NXPE4: variants seen among roughly 807,000 people sequenced by gnomAD.
The protein encoded by NXPE4 is NXPE family member 4.
A neutral mutation model predicts 33.3 loss-of-function variants in NXPE4; 42 were observed. That is an observed-to-expected ratio of 1.26 (90% confidence interval 0.98 to 1.63). NXPE4 has a LOEUF of 1.63. NXPE4 is among the 40% of genes most tolerant of loss of function. The pLI is 0.00. For synonymous variants in NXPE4, 253 were observed against 234.9 expected (o/e 1.08, Z -0.71); for missense variants, 709 against 647.6 (o/e 1.09, Z -1.03).
the NXPE4 span, among the ~76,000 whole-genome samples, chr11:114,633,668 T>C: frequency 2.8e-5 from 4 of 143,700 alleles, no homozygotes; most frequent in Non-Finnish European, 6.1e-5. Context: ...CCTGTGTCCA[T>C]GTGTTCTCAT....
chr11:114,635,213 T>A, the NXPE4 span, among the ~76,000 whole-genome samples: 1 of 150,082 alleles, frequency 6.7e-6, no homozygotes, highest in Non-Finnish European at 1.5e-5. Context: ...GGTATTTTAT[T>A]ATCTTTGAAG....
At chr11:114,587,112 C>T (rs949749205) in intron 2 of NXPE4, among the ~76,000 whole-genome samples, 3 of 152,106 alleles carry the variant, frequency 2.0e-5, no homozygotes, top group African/African-American at 7.2e-5. Context: ...TCCTAATTCT[C>T]GCTTTTTTTG....
chr11:114,636,728 G>T, the NXPE4 span, among the ~76,000 whole-genome samples: 192 of 152,218 alleles, frequency 1.3e-3, 2 homozygotes, highest in African/African-American at 4.4e-3. Context: ...GTACCCAGCA[G>T]TCATTCAGGA....
the NXPE4 span, among the ~76,000 whole-genome samples, chr11:114,667,447 T>G: frequency 3.9e-5 from 6 of 152,086 alleles, no homozygotes; most frequent in Non-Finnish European, 8.8e-5. Context: ...AAGATGTCCA[T>G]AAATTCTTTG....
At chr11:114,599,925 A>G (rs1018676690), upstream of NXPE4, among the ~76,000 whole-genome samples, 11 of 152,060 alleles carry the variant, frequency 7.2e-5, no homozygotes, top group African/African-American at 2.7e-4. Flanking sequence ...CCATGGAATT[A>G]AAAAAAATCT....
At chr11:114,595,043 C>G (rs1280002479) in intron 1 of NXPE4, among the ~76,000 whole-genome samples, 1 of 152,092 alleles carries the variant, frequency 6.6e-6, no homozygotes, top group African/African-American at 2.4e-5. Flanking sequence ...CTGAAGGATG[C>G]AAGCTTGCTC....
chr11:114,601,417 T>A, the NXPE4 span, among the ~76,000 whole-genome samples: 2 of 136,832 alleles, frequency 1.5e-5, no homozygotes, highest in East Asian at 4.0e-4. Context: ...GCAAAAGATG[T>A]AATTTTGTTC....
chr11:114,643,153 T>A, the NXPE4 span, among the ~76,000 whole-genome samples: 1 of 152,154 alleles, frequency 6.6e-6, no homozygotes, highest in African/African-American at 2.4e-5. Flanking sequence ...ATTCTGGATA[T>A]TAGCCCTTTG....
chr11:114,623,038 C>T, the NXPE4 span, among the ~76,000 whole-genome samples: 4 of 152,032 alleles, frequency 2.6e-5, no homozygotes, highest in Non-Finnish European at 5.9e-5. Flanking sequence ...CCCTGTTACC[C>T]GGTGGATAAT....
the NXPE4 span, among the ~76,000 whole-genome samples, chr11:114,670,392 C>T: frequency 1.3e-5 from 2 of 151,926 alleles, no homozygotes; most frequent in East Asian, 3.9e-4. Context: ...TAGCCCAGCC[C>T]AATTACTAAA....
the NXPE4 span, among the ~76,000 whole-genome samples, chr11:114,625,213 T>C: frequency 0.014 from 2,071 of 152,298 alleles, 33 homozygotes; most frequent in African/African-American, 0.047. Flanking sequence ...GTAACCACTG[T>C]TACCTGTTGG....
chr11:114,672,734 A>G, the NXPE4 span, among the ~76,000 whole-genome samples: 3 of 151,954 alleles, frequency 2.0e-5, no homozygotes, highest in African/African-American at 4.8e-5. Flanking sequence ...TCTAATGTTA[A>G]AAGTGTCAAT....
At chr11:114,573,481 A>G (rs1309397461) in intron 5 of NXPE4, among the ~76,000 whole-genome samples, 1 of 151,948 alleles carries the variant, frequency 6.6e-6, no homozygotes, top group East Asian at 1.9e-4. Flanking sequence ...ATTTAATAAC[A>G]CATAAGAACT....
chr11:114,674,866 C>G, the NXPE4 span, among the ~76,000 whole-genome samples: 1 of 151,862 alleles, frequency 6.6e-6, no homozygotes, highest in East Asian at 1.9e-4. Flanking sequence ...TAATTATAGA[C>G]TATCATCCCT....
intron 2 of NXPE4, chr11:114,583,740 T>G: frequency 1.9e-6 from 1 of 514,236 alleles, no homozygotes; most frequent in Admixed American, 2.2e-5. Context: ...ACCTTGGAAC[T>G]GCTAAAGTAT....
At chr11:114,636,555 A>T in the NXPE4 span, among the ~76,000 whole-genome samples, 2 of 151,468 alleles carry the variant, frequency 1.3e-5, no homozygotes, top group Non-Finnish European at 3.0e-5. Flanking sequence ...TTGTGATGTT[A>T]GGGTGTCAAT....
At chr11:114,636,074 G>A in the NXPE4 span, among the ~76,000 whole-genome samples, 1,388 of 126,010 alleles carry the variant, frequency 0.011, 21 homozygotes, top group African/African-American at 0.04. Flanking sequence ...GGTAGAATTC[G>A]ACTGTGAATC....
chr11:114,617,397 T>G, the NXPE4 span, among the ~76,000 whole-genome samples: 1 of 152,032 alleles, frequency 6.6e-6, no homozygotes, highest in African/African-American at 2.4e-5. Context: ...ATAATAAGTA[T>G]TGCCTCGTGG....
intron 2 of NXPE4, chr11:114,583,756 G>A (rs1195191760): frequency 4.1e-6 from 2 of 490,328 alleles, no homozygotes; most frequent in Admixed American, 4.6e-5. Flanking sequence ...AGTATCACCA[G>A]AGGGTGTTGT....
Sources: allele counts gnomAD v4.1 joint callset (sites outside exome capture counted in the v4.1 genomes callset), GRCh38; gene constraint gnomAD v4.1.1; transcripts MANE v1.5; gene names NCBI Gene and HGNC (gene_info 2026-07-23, HGNC 2026-07-21).